The following TP53BP1 variants were observed in gnomAD, a reference collection of about 807,000 sequenced individuals.
The protein encoded by TP53BP1 is tumor protein p53 binding protein 1.
A neutral mutation model predicts 200.8 loss-of-function variants in TP53BP1; 61 were observed. The observed-to-expected ratio is 0.30, with a 90% CI of 0.25 to 0.38. The LOEUF (loss-of-function observed/expected upper bound fraction) is 0.38, where lower values mean the gene tolerates loss of function less well. Among genes scored for constraint, TP53BP1 ranks in the 10% least tolerant of loss-of-function variants. TP53BP1 has a pLI of 1.00. For synonymous variants in TP53BP1, 822 were observed against 844.3 expected (o/e 0.97, Z 0.46); for missense variants, 2,144 against 2,371.9 (o/e 0.90, Z 2.00).
In TP53BP1 at chr15:43,405,884, A is replaced by C. The variant is rs2044853586; in HGVS notation, c.*1499T>G. 6.6e-6 allele frequency: 1 copy of C among 152,140 alleles called. No individual in the cohort carries two copies. The highest frequency in any genetic ancestry group is 6.6e-5 in the Admixed American group (1 of 15,260). 9.4% of individuals were successfully genotyped at this position (152,140 alleles called of 1,614,324 possible). ...ATGAAACCTCGATTCTACTAAAAAT[A>C]CAAAAATTAGCCAGGTGTGGTGGCA... On this transcript the variant is annotated 3_prime_UTR_variant, in exon 28 of 28. Transcript: ENST00000382044.
intron 12 of TP53BP1, among the ~76,000 whole-genome samples, chr15:43,452,274 T>G (rs562987018): frequency 1.4e-3 from 216 of 152,226 alleles, no homozygotes; most frequent in Non-Finnish European, 1.6e-3. Flanking sequence ...AGTTAAAAAC[T>G]ATTGTTCTCG....
chr15:43,413,210 T>C lies in TP53BP1; in HGVS notation c.5214A>G (p.Ala1738=), dbSNP rs2045171186. The change falls in exon 24 of 28, where the codon GCA becomes GCG. Residue 1738 remains alanine (A), a synonymous_variant. Transcript: ENST00000382044. ...PLNKTLFLGY[A]FLLTMATTSD... ...TGGTTGTGGCCATGGTAAGGAGAAA[T>C]GCGTAGCCCAGAAACAAGGTCTTGT... 1 of 1,613,996 alleles carries C rather than the reference T, an allele frequency of 6.2e-7. No individual in the cohort carries two copies. The highest frequency in any genetic ancestry group is 1.1e-5 in the South Asian group (1 of 91,086).
intron 16 of TP53BP1, among the ~76,000 whole-genome samples, chr15:43,434,851 T>C (rs2045754219): frequency 6.6e-6 from 1 of 152,224 alleles, no homozygotes; most frequent in South Asian, 2.1e-4. Flanking sequence ...GAATTTTACT[T>C]CTACAGCAAT....
At chr15:43,471,488 G>A (rs1165068216) in intron 10 of TP53BP1, among the ~76,000 whole-genome samples, 1 of 151,736 alleles carries the variant, frequency 6.6e-6, no homozygotes, top group Non-Finnish European at 1.5e-5. Flanking sequence ...ACGCAGTGGT[G>A]CCACCTTGGC....
At position 43,456,851 on chromosome 15, in the gene TP53BP1, T is replaced by C. The variant is rs1427395240; in HGVS notation, c.1757A>G (p.Gln586Arg). 1 of 1,613,914 alleles carries C rather than the reference T, an allele frequency of 6.2e-7. No individual in the cohort carries two copies. Among genetic ancestry groups the C allele is most frequent in the African/African-American group, 1.3e-5 (1 of 74,946 alleles). Residue 586 changes from glutamine (Q) to arginine (R), a missense_variant, in exon 12 of 28, where the codon CAG becomes CGG. Physicochemically the swap from Gln to Arg is conservative, Grantham distance 43. This residue lies in a region of TP53BP1 where 1,700 missense variants were observed against 1,710.3 expected (regional missense o/e 0.99). Coordinates refer to ENST00000382044, the MANE Select transcript of TP53BP1 (RefSeq NM_001141980.3). ...PAQDGEVQLS[Q>R]NDDKTKGDDT... is the part of the protein sequence containing the mutation. The stretch of plus-strand genomic sequence containing the variant: ...ATCTCCCTTTGTTTTGTCATCATTC[T>C]GACTCAGTTGTACTTCACCATCCTG...
intron 9 of TP53BP1, 93 bp from the exon 10 acceptor site, chr15:43,474,860 T>A: frequency 1.2e-6 from 1 of 855,390 alleles, no homozygotes; most frequent in South Asian, 1.6e-5. Context: ...AAAAAATATC[T>A]AAGGCATTCA....
chr15:43,443,472 G>A (rs2045973454), intron 14 of TP53BP1, among the ~76,000 whole-genome samples: 1 of 152,114 alleles, frequency 6.6e-6, no homozygotes, highest in Non-Finnish European at 1.5e-5. Context: ...CAGGAGGATC[G>A]CTTGAGCCCA....
intron 16 of TP53BP1, among the ~76,000 whole-genome samples, chr15:43,434,133 A>G (rs1416639824): frequency 6.6e-6 from 1 of 152,202 alleles, no homozygotes; most frequent in African/African-American, 2.4e-5. Flanking sequence ...ACCTCAACTG[A>G]ATGAGAATAT....
intron 11 of TP53BP1, among the ~76,000 whole-genome samples, chr15:43,462,847 A>G (rs1478202816): frequency 2.6e-5 from 4 of 152,180 alleles, no homozygotes; most frequent in African/African-American, 9.7e-5. Context: ...ACTTAAGGTC[A>G]GAAGTTTGAG....
upstream of TP53BP1, among the ~76,000 whole-genome samples, chr15:43,495,005 A>G (rs1170765968): frequency 6.6e-6 from 1 of 151,888 alleles, no homozygotes; most frequent in Admixed American, 6.6e-5. Context: ...CCTGGGCAAC[A>G]TGGCAAAAGC....
At chr15:43,450,685 C>T (rs2046145737) in intron 12 of TP53BP1, among the ~76,000 whole-genome samples, 1 of 152,144 alleles carries the variant, frequency 6.6e-6, no homozygotes, top group African/African-American at 2.4e-5. Context: ...TAGACAGATA[C>T]TTGAAGAGGT....
Position 43,491,728 on chromosome 15 carries a change from G to A in TP53BP1, c.312C>T (p.Asp104=), listed in dbSNP as rs371113262. 3.7e-6 allele frequency: 6 copies of A among 1,614,042 alleles called. No individual in the cohort carries two copies. The highest frequency in any genetic ancestry group is 5.1e-6 in the Non-Finnish European group (6 of 1,179,946). The change falls in exon 4 of 28, where the codon GAC becomes GAT. Residue 104 remains aspartate (D), a synonymous_variant. Transcript: ENST00000382044. ...TGACCTGACTGATGGAACCACATGT[G>A]TCCAAGTTAGAAGAATCCACAGGGT... ...VADPVDSSNL[D]TCGSISQVIE... is the part of the protein sequence containing the mutation.
chr15:43,404,766 G>C lies in TP53BP1; in HGVS notation c.*2617C>G, dbSNP rs1395019992. ...ATAAAATACTAAAAAACCTGACAGT[G>C]AGATAGGTGTTAAGTCCTTTGCTAG... On this transcript the variant is annotated 3_prime_UTR_variant, in exon 28 of 28. Coordinates refer to ENST00000382044, the MANE Select transcript of TP53BP1 (RefSeq NM_001141980.3). The C allele has an allele frequency of 1.7e-6, 1 of 583,652 alleles. No individual in the cohort carries two copies. Among genetic ancestry groups the C allele is most frequent in the Non-Finnish European group, 2.9e-6 (1 of 341,536 alleles). 36.2% of individuals were successfully genotyped at this position (583,652 alleles called of 1,614,324 possible). A position where few individuals can be genotyped will look rare whatever the true frequency, so the allele number is the denominator to read the frequency against.
At position 43,408,987 on chromosome 15, in the gene TP53BP1, T is replaced by C. The variant is rs1358232143; in HGVS notation, c.5510A>G (p.His1837Arg). 3.7e-6 allele frequency: 6 copies of C among 1,614,188 alleles called. No homozygotes were observed. The East Asian group carries it at 6.7e-5, about 18-fold the overall frequency. ...GIPCVSHVWV[H>R]DSCHANQLQN... ...GAGCTGGTTGGCATGGCAACTATCA[T>C]GGACCCAGACATGAGACACACAAGG... The change falls in exon 26 of 28, where the codon CAT (histidine) becomes CGT (arginine). Residue 1837 changes from histidine (H) to arginine (R), a missense_variant. Physicochemically the swap from His to Arg is conservative, Grantham distance 29 (BLOSUM62 0). Transcript: ENST00000382044.
rs1204053732 is a variant in TP53BP1, at chr15:43,485,586, A to AAAAAAAAAAAG, written c.372-4565_372-4564insCTTTTTTTTTT. Among the ~76,000 whole-genome samples the AAAAAAAAAAAG allele has an allele frequency of 1.1e-4, 16 of 148,676 alleles. 1 individual carries two copies. The East Asian group carries it at 2.6e-3, about 24-fold the overall frequency. ...AGCGAGACGCCGTCTCAAAAAAAAA[A>AAAAAAAAAAAG]AAAGAAAGTACTTTGGGAGGCCGAG... On this transcript the variant is annotated intron_variant, in intron 4 of 27. Coordinates refer to ENST00000382044, the MANE Select transcript of TP53BP1 (RefSeq NM_001141980.3).
chr15:43,441,640 T>A lies in TP53BP1; in HGVS notation c.3041-57A>T. On this transcript the variant is annotated intron_variant, in intron 14 of 27. Transcript: ENST00000382044. Reference sequence around the variant, plus strand: ...AAAGAGAAACAGAATTTAGTTAGTATCACACCTAAACCTTCACTCTGCTCT... The same window carrying A: ...AAAGAGAAACAGAATTTAGTTAGTAACACACCTAAACCTTCACTCTGCTCT... 3 of 1,209,026 alleles carry A rather than the reference T, an allele frequency of 2.5e-6. No individual in the cohort carries two copies. The South Asian group carries it at 3.6e-5, about 15-fold the overall frequency. The allele number at this position is 1,209,026 out of a possible 1,614,324, so 74.9% of individuals were successfully genotyped here. A position where few individuals can be genotyped will look rare whatever the true frequency, so the allele number is the denominator to read the frequency against.
At position 43,456,434 on chromosome 15, in the gene TP53BP1, GT is replaced by G; in HGVS notation, c.2173del (p.Thr725ProfsTer3). ...KECSEAMEVE[T>X]SVISIDSPQK... ...AGGGGAATCAATACTAATCACACTG[GT>G]TTCAACTTCCATAGCTTCTGAGCAT... is the stretch of plus-strand genomic sequence containing the variant. On this transcript the variant is annotated frameshift_variant, in exon 12 of 28. Coordinates refer to ENST00000382044, the MANE Select transcript of TP53BP1 (RefSeq NM_001141980.3). LOFTEE classifies it high-confidence loss of function. 6.3e-7 allele frequency: 1 copy of G among 1,577,466 alleles called. No individual in the cohort carries two copies. Among genetic ancestry groups the G allele is most frequent in the Non-Finnish European group, 8.6e-7 (1 of 1,166,612 alleles).
chr15:43,465,628 T>C lies in TP53BP1; in HGVS notation c.1389+4230A>G, dbSNP rs191455160. 4.6e-3 allele frequency among the ~76,000 whole-genome samples: 698 copies of C among 152,086 alleles called. 5 individuals carry two copies. Among genetic ancestry groups the C allele is most frequent in the African/African-American group, 0.016 (644 of 41,478 alleles). On this transcript the variant is annotated intron_variant, in intron 11 of 27. Transcript: ENST00000382044. ...GAACTGAAGGACCTGAGTTTCTAAA[T>C]TGAGAGGGCCTGCCAAGTACCCAAT...
At chr15:43,437,760 T>C (rs2045831484) in intron 16 of TP53BP1, among the ~76,000 whole-genome samples, 1 of 152,186 alleles carries the variant, frequency 6.6e-6, no homozygotes, top group Admixed American at 6.5e-5. Context: ...CTATAGTCCC[T>C]CAAGGTATAA....
Sources: gnomAD v4.1 joint callset for allele counts (sites outside exome capture counted in the v4.1 genomes callset) on GRCh38, gnomAD v4.1.1 for gene constraint, gnomAD v4.1.1 regional missense constraint, MANE v1.5 for transcripts, NCBI Gene and HGNC (gene_info 2026-07-23, HGNC 2026-07-21) for gene names.